Variants in AMBRA1 observed in about 807,000 individuals in gnomAD.
AMBRA1 encodes autophagy and beclin 1 regulator 1.
AMBRA1 carries 47 observed loss-of-function variants against 125.4 expected under a neutral mutation model. The observed-to-expected ratio is 0.37, with a 90% CI of 0.30 to 0.48. AMBRA1 has a LOEUF of 0.48. Among genes scored for constraint, AMBRA1 ranks in the 20% least tolerant of loss-of-function variants. The pLI, the probability that AMBRA1 is intolerant of heterozygous loss-of-function variation, is 0.99. For synonymous variants in AMBRA1, 626 were observed against 655.5 expected (o/e 0.95, Z 0.69); for missense variants, 1,331 against 1,693.4 (o/e 0.79, Z 3.76).
chr11:46,500,933 A>G (rs1950814195), intron 9 of AMBRA1, among the ~76,000 whole-genome samples: 1 of 152,192 alleles, frequency 6.6e-6, no homozygotes, highest in African/African-American at 2.4e-5. Context: ...ATGCTATTCC[A>G]TAACTTAAAA....
chr11:46,451,329 G>A (rs967366873), intron 11 of AMBRA1, among the ~76,000 whole-genome samples: 2 of 152,158 alleles, frequency 1.3e-5, no homozygotes, highest in Non-Finnish European at 2.9e-5. Context: ...ATGTGTCTAG[G>A]GATAAAATCA....
intron 9 of AMBRA1, among the ~76,000 whole-genome samples, chr11:46,505,071 G>A (rs187359462): frequency 3.9e-5 from 6 of 152,326 alleles, no homozygotes; most frequent in Admixed American, 3.9e-4. Flanking sequence ...TGCTGAGAAG[G>A]TGAGGATACC....
intron 9 of AMBRA1, among the ~76,000 whole-genome samples, chr11:46,505,406 C>A (rs1384442731): frequency 6.6e-6 from 1 of 152,158 alleles, no homozygotes; most frequent in Non-Finnish European, 1.5e-5. Flanking sequence ...TCAGTTTCAA[C>A]CAGCCAGTAA....
At chr11:46,407,542 G>A (rs1946083418) in intron 17 of AMBRA1, among the ~76,000 whole-genome samples, 1 of 152,240 alleles carries the variant, frequency 6.6e-6, no homozygotes, top group Non-Finnish European at 1.5e-5. Flanking sequence ...CCACCTTATG[G>A]TCATGGCCCC....
chr11:46,492,713 G>A (rs1415599064), intron 11 of AMBRA1, among the ~76,000 whole-genome samples: 2 of 152,156 alleles, frequency 1.3e-5, no homozygotes, highest in African/African-American at 2.4e-5. Flanking sequence ...GTCACGTCAT[G>A]CCTCACAGCC....
chr11:46,446,172 C>G (rs1221632379), intron 11 of AMBRA1, among the ~76,000 whole-genome samples: 4 of 152,138 alleles, frequency 2.6e-5, no homozygotes. Flanking sequence ...AGGAATGAAG[C>G]CTGGCACCAA....
At chr11:46,462,943 G>A (rs1338010082) in intron 11 of AMBRA1, among the ~76,000 whole-genome samples, 2 of 151,918 alleles carry the variant, frequency 1.3e-5, no homozygotes, top group African/African-American at 2.4e-5. Flanking sequence ...TAGTAGAGAC[G>A]GGGTTTCACC....
chr11:46,575,365 G>A (rs1008181341), intron 1 of AMBRA1, among the ~76,000 whole-genome samples: 3 of 151,600 alleles, frequency 2.0e-5, no homozygotes, highest in Admixed American at 2.0e-4. Context: ...TCTGAGGCAG[G>A]AGCATAGCTT....
In AMBRA1 at chr11:46,397,233, G is replaced by T; in HGVS notation, c.*217C>A. The T allele has an allele frequency of 2.0e-6, 1 of 505,774 alleles. No homozygotes were observed. Among genetic ancestry groups the T allele is most frequent in the Non-Finnish European group, 3.1e-6 (1 of 321,092 alleles). The allele number at this position is 505,774 out of a possible 1,614,324, so 31.3% of individuals were successfully genotyped here. On this transcript the variant is annotated 3_prime_UTR_variant, in exon 18 of 18. Coordinates refer to ENST00000683756, the MANE Select transcript of AMBRA1 (RefSeq NM_001387011.1). The stretch of plus-strand genomic sequence containing the variant: ...TTAAGCCCACAGTGTGGCTCTCCCG[G>T]GCTCCAGATCCTGGAAGGTTCTAGT...
At chr11:46,420,990 GACCAGAAAGTAA>G (rs1191284010) in intron 14 of AMBRA1, among the ~76,000 whole-genome samples, 2 of 152,166 alleles carry the variant, frequency 1.3e-5, no homozygotes, top group Non-Finnish European at 2.9e-5. Flanking sequence ...AAATGTTCCA[GACCAGAAAGTAA>G]CAAAACAAGC....
chr11:46,544,012 T>C lies in AMBRA1; in HGVS notation c.581A>G (p.Tyr194Cys), dbSNP rs1385856509. The C allele has an allele frequency of 6.2e-7, 1 of 1,613,992 alleles. No individual in the cohort carries two copies. The highest frequency in any genetic ancestry group is 8.5e-7 in the Non-Finnish European group (1 of 1,179,936). ...GGGGTTAACAATTGCTGTGAGTAAG[T>C]AGTGTCCAAGTGGATCAAATCTCAC... ...RLVRFDPLGH[Y>C]LLTAIVNPSN... Residue 194 changes from tyrosine to cysteine, a missense_variant, in exon 6 of 18, where the codon TAC becomes TGC. Around this residue, in one of 4 missense-constraint regions of AMBRA1, gnomAD observed 689 missense variants for 776.5 expected, o/e 0.89. Coordinates refer to ENST00000683756, the MANE Select transcript of AMBRA1 (RefSeq NM_001387011.1).
At chr11:46,555,374 G>A (rs1472703259) in intron 1 of AMBRA1, among the ~76,000 whole-genome samples, 1 of 152,042 alleles carries the variant, frequency 6.6e-6, no homozygotes, top group Non-Finnish European at 1.5e-5. Context: ...ACGACTTTGG[G>A]GATACTTAAC....
intron 2 of AMBRA1, 103 bp from the exon 3 acceptor site, chr11:46,547,978 G>T: frequency 7.3e-7 from 1 of 1,370,488 alleles, no homozygotes; most frequent in Non-Finnish European, 1.0e-6. Flanking sequence ...CATTCACAGT[G>T]TAGGCTTAAA....
At position 46,513,320 on chromosome 11, in the gene AMBRA1, A is replaced by G. The variant is rs183426054; in HGVS notation, c.2073-507T>C. Reference sequence around the variant, plus strand: ...TACTCCTCAGATATATAACTATAATATATCTATTAAAAATATAAATATATA... The same window carrying G: ...TACTCCTCAGATATATAACTATAATGTATCTATTAAAAATATAAATATATA... On this transcript the variant is annotated intron_variant, in intron 7 of 17. Transcript: ENST00000683756. Among the ~76,000 whole-genome samples, 584 of 148,066 alleles carry G rather than the reference A, an allele frequency of 3.9e-3. 3 individuals carry two copies. Among genetic ancestry groups the G allele is most frequent in the African/African-American group, 0.014 (569 of 40,126 alleles).
At chr11:46,569,440 A>AAAAATATATAT (rs1477022124) in intron 1 of AMBRA1, among the ~76,000 whole-genome samples, 21 of 131,370 alleles carry the variant, frequency 1.6e-4, no homozygotes, top group African/African-American at 5.6e-4. Flanking sequence ...AAAAAAAAAA[A>AAAAATATATAT]ATATATATAT....
intron 12 of AMBRA1, among the ~76,000 whole-genome samples, chr11:46,443,204 G>C (rs958904691): frequency 6.6e-6 from 1 of 152,212 alleles, no homozygotes; most frequent in African/African-American, 2.4e-5. Flanking sequence ...AAAGAGAAGG[G>C]AGTGTAGGAT....
intron 11 of AMBRA1, among the ~76,000 whole-genome samples, chr11:46,486,539 C>T (rs1222217071): frequency 1.3e-5 from 2 of 152,144 alleles, no homozygotes; most frequent in Non-Finnish European, 1.5e-5. Context: ...CTAAAAAGTC[C>T]TCCTGAAAGT....
At chr11:46,400,822 C>A (rs1345472000) in intron 17 of AMBRA1, among the ~76,000 whole-genome samples, 1 of 152,112 alleles carries the variant, frequency 6.6e-6, no homozygotes, top group East Asian at 1.9e-4. Flanking sequence ...ATTATGTCCT[C>A]TCTTGCTTTT....
chr11:46,515,427 C>T (rs569257038), intron 7 of AMBRA1, among the ~76,000 whole-genome samples: 17 of 152,086 alleles, frequency 1.1e-4, no homozygotes, highest in African/African-American at 1.9e-4. Context: ...GAGCTGAGAT[C>T]GCACTACTGC....
Sources: gnomAD v4.1 joint callset for allele counts (sites outside exome capture counted in the v4.1 genomes callset) on GRCh38, gnomAD v4.1.1 for gene constraint, gnomAD v4.1.1 regional missense constraint, MANE v1.5 for transcripts, NCBI Gene and HGNC (gene_info 2026-07-23, HGNC 2026-07-21) for gene names.